SH3PXD2A: variants seen among roughly 807,000 people sequenced by gnomAD.
SH3PXD2A encodes SH3 and PX domains 2A.
Under a neutral mutation model 115.2 loss-of-function variants are expected in SH3PXD2A, and 32 were observed. The observed-to-expected ratio is 0.28, with a 90% CI of 0.21 to 0.37. The LOEUF (loss-of-function observed/expected upper bound fraction) is 0.37, where lower values mean the gene tolerates loss of function less well. SH3PXD2A is among the 10% of genes least tolerant of loss of function. The pLI, the probability that SH3PXD2A is intolerant of heterozygous loss-of-function variation, is 1.00. For missense variants in SH3PXD2A, 1,328 were observed against 1,498.7 expected, an observed-to-expected ratio of 0.89 and a Z score of 1.88; for synonymous variants, 610 against 629.1, an observed-to-expected ratio of 0.97 and a Z score of 0.45.
At chr10:103,737,436 C>A (rs1329076354) in intron 3 of SH3PXD2A, among the ~76,000 whole-genome samples, 1 of 152,118 alleles carries the variant, frequency 6.6e-6, no homozygotes, top group East Asian at 1.9e-4. Flanking sequence ...TAGATTATTC[C>A]CCCAGACACA....
chr10:103,650,512 A>ACACCTGTC (rs1383446500), intron 8 of SH3PXD2A, among the ~76,000 whole-genome samples: 1 of 152,146 alleles, frequency 6.6e-6, no homozygotes, highest in East Asian at 1.9e-4. Context: ...TGGCTGGATC[A>ACACCTGTC]CACCTGTCCA....
chr10:103,799,795 C>T (rs1045476424), intron 2 of SH3PXD2A, among the ~76,000 whole-genome samples: 1 of 152,158 alleles, frequency 6.6e-6, no homozygotes, highest in African/African-American at 2.4e-5. Flanking sequence ...CACCAGATTA[C>T]ACTGGAATTA....
At chr10:103,836,459 T>C (rs1424048152) in intron 1 of SH3PXD2A, among the ~76,000 whole-genome samples, 2 of 145,546 alleles carry the variant, frequency 1.4e-5, no homozygotes, top group Non-Finnish European at 3.0e-5. Context: ...ACACATCCCC[T>C]AACACACACA....
At chr10:103,803,869 G>A (rs1362338607) in intron 1 of SH3PXD2A, among the ~76,000 whole-genome samples, 1 of 152,154 alleles carries the variant, frequency 6.6e-6, no homozygotes, top group East Asian at 1.9e-4. Context: ...ACATTTTAGG[G>A]AAATACAATA....
chr10:103,800,491 A>T (rs908121310), intron 2 of SH3PXD2A, among the ~76,000 whole-genome samples: 1 of 152,206 alleles, frequency 6.6e-6, no homozygotes. Flanking sequence ...GGAAGCAGAG[A>T]CAAGACAGAG....
At chr10:103,821,116 A>C in intron 1 of SH3PXD2A, among the ~76,000 whole-genome samples, 1 of 151,850 alleles carries the variant, frequency 6.6e-6, no homozygotes, top group East Asian at 1.9e-4. Flanking sequence ...GGCCCACAGA[A>C]AACATTTAAT....
intron 14 of SH3PXD2A, among the ~76,000 whole-genome samples, chr10:103,605,310 G>A (rs1394475659): frequency 6.6e-6 from 1 of 152,128 alleles, no homozygotes; most frequent in East Asian, 1.9e-4. Context: ...TTCCTGATGT[G>A]GCTTCTGCAG....
In SH3PXD2A at chr10:103,598,351, G is replaced by A. The variant is rs571433694; in HGVS notation, c.*3465C>T. The A allele has an allele frequency of 3.3e-5, 5 of 152,624 alleles. No individual in the cohort carries two copies. Among genetic ancestry groups the A allele is most frequent in the African/African-American group, 1.2e-4 (5 of 41,562 alleles). The allele number at this position is 152,624 out of a possible 1,614,324, so 9.5% of individuals were successfully genotyped here. On this transcript the variant is annotated 3_prime_UTR_variant, in exon 15 of 15. Coordinates refer to ENST00000369774, the MANE Select transcript of SH3PXD2A (RefSeq NM_001394015.1). Reference sequence around the variant, plus strand: ...TGGTGAGAATAGTGAGGAGGAGAGGGGCAACACAGCCAGGTCTGCTGTCAC... The same window carrying A: ...TGGTGAGAATAGTGAGGAGGAGAGGAGCAACACAGCCAGGTCTGCTGTCAC...
chr10:103,734,751 C>A (rs1338474344), intron 4 of SH3PXD2A, among the ~76,000 whole-genome samples: 1 of 152,078 alleles, frequency 6.6e-6, no homozygotes, highest in African/African-American at 2.4e-5. Flanking sequence ...CTTGTCTCAT[C>A]AAAATAAATA....
chr10:103,688,781 G>A (rs2134121742), intron 6 of SH3PXD2A, among the ~76,000 whole-genome samples: 1 of 152,300 alleles, frequency 6.6e-6, no homozygotes, highest in East Asian at 1.9e-4. Flanking sequence ...TTAGTTCTGG[G>A]TGGGATGGAG....
intron 5 of SH3PXD2A, among the ~76,000 whole-genome samples, chr10:103,700,304 G>A (rs1397243064): frequency 6.6e-6 from 1 of 152,238 alleles, no homozygotes; most frequent in East Asian, 1.9e-4. Context: ...CTATCTTACA[G>A]AGCTGTCGTG....
intron 1 of SH3PXD2A, among the ~76,000 whole-genome samples, chr10:103,802,090 C>T (rs779507366): frequency 2.6e-5 from 4 of 152,192 alleles, no homozygotes; most frequent in African/African-American, 4.8e-5. Flanking sequence ...AGGTGGACCC[C>T]GCTCTCTGAA....
intron 1 of SH3PXD2A, among the ~76,000 whole-genome samples, chr10:103,806,883 G>A (rs1447718566): frequency 6.6e-6 from 1 of 152,162 alleles, no homozygotes; most frequent in African/African-American, 2.4e-5. Flanking sequence ...ACTCTTGATG[G>A]AGGAGTGGAA....
chr10:103,617,688 C>T (rs567587147), intron 10 of SH3PXD2A, among the ~76,000 whole-genome samples: 5 of 152,346 alleles, frequency 3.3e-5, no homozygotes, highest in African/African-American at 1.2e-4. Flanking sequence ...GCCGGCCCCT[C>T]ATGAGGTGTC....
At chr10:103,636,513 C>T (rs1420858601) in intron 8 of SH3PXD2A, among the ~76,000 whole-genome samples, 2 of 151,930 alleles carry the variant, frequency 1.3e-5, no homozygotes, top group Non-Finnish European at 2.9e-5. Flanking sequence ...AGCAAGAGGC[C>T]AGGAGAGGGA....
At chr10:103,721,269 T>A (rs1228926799) in intron 5 of SH3PXD2A, among the ~76,000 whole-genome samples, 1 of 152,136 alleles carries the variant, frequency 6.6e-6, no homozygotes, top group Non-Finnish European at 1.5e-5. Flanking sequence ...TTCTGCATTA[T>A]CTCATTTTAG....
chr10:103,734,678 G>A (rs1039023162), intron 4 of SH3PXD2A, among the ~76,000 whole-genome samples: 1 of 152,216 alleles, frequency 6.6e-6, no homozygotes, highest in Non-Finnish European at 1.5e-5. Context: ...GAACTCAGGA[G>A]GTGGAGGTTA....
intron 1 of SH3PXD2A, among the ~76,000 whole-genome samples, chr10:103,841,379 T>C (rs944678082): frequency 1.3e-5 from 2 of 152,180 alleles, no homozygotes; most frequent in African/African-American, 4.8e-5. Flanking sequence ...CCAGTGAAGC[T>C]TCCTGGTGTG....
At chr10:103,701,797 CT>C (rs543830261) in intron 5 of SH3PXD2A, among the ~76,000 whole-genome samples, 117 of 130,136 alleles carry the variant, frequency 9.0e-4, no homozygotes, top group African/African-American at 3.2e-3. Context: ...ATCCATCCAT[CT>C]ATCTTCATCC....
Sources: allele counts gnomAD v4.1 joint callset (sites outside exome capture counted in the v4.1 genomes callset), GRCh38; gene constraint gnomAD v4.1.1; transcripts MANE v1.5; gene names NCBI Gene and HGNC (gene_info 2026-07-23, HGNC 2026-07-21).